The following GSTCD variants were observed in gnomAD, a reference collection of about 807,000 sequenced individuals.
GSTCD encodes glutathione S-transferase C-terminal domain containing, also known as glutathione S-transferase C-terminal domain-containing protein.
In GSTCD, 44 loss-of-function variants were observed where a neutral mutation model predicts 68.3. The observed-to-expected ratio is 0.64, with a 90% CI of 0.51 to 0.83. GSTCD has a LOEUF of 0.83. GSTCD is among the 40% of genes least tolerant of loss of function. The pLI is 0.00. For synonymous variants in GSTCD, 273 were observed against 255.2 expected, an observed-to-expected ratio of 1.07 and a Z score of -0.67; for missense variants, 739 against 735.9, an observed-to-expected ratio of 1.00 and a Z score of -0.05.
At chr4:105,709,614 C>T (rs1553955427) in intron 1 of GSTCD, among the ~76,000 whole-genome samples, 1 of 152,198 alleles carries the variant, frequency 6.6e-6, no homozygotes, top group Non-Finnish European at 1.5e-5. Context: ...AATACACGTA[C>T]TTCCCATCCC....
intron 5 of GSTCD, among the ~76,000 whole-genome samples, chr4:105,766,722 C>T (rs1305142236): frequency 1.3e-5 from 2 of 151,882 alleles, no homozygotes; most frequent in African/African-American, 2.4e-5. Context: ...TATCTGTTTC[C>T]TTCTAATGGA....
At chr4:105,817,861 G>T (rs1158789890) in intron 5 of GSTCD, among the ~76,000 whole-genome samples, 1 of 151,788 alleles carries the variant, frequency 6.6e-6, no homozygotes, top group Non-Finnish European at 1.5e-5. Flanking sequence ...TTTTATAGTT[G>T]ACTTCTTTTA....
intron 5 of GSTCD, among the ~76,000 whole-genome samples, chr4:105,764,802 G>T (rs1734544993): frequency 6.6e-6 from 1 of 152,138 alleles, no homozygotes; most frequent in Non-Finnish European, 1.5e-5. Flanking sequence ...ATCAGTGATT[G>T]TGGGTAATCT....
At chr4:105,784,622 T>C (rs1735396267) in intron 5 of GSTCD, among the ~76,000 whole-genome samples, 1 of 152,238 alleles carries the variant, frequency 6.6e-6, no homozygotes, top group Non-Finnish European at 1.5e-5. Flanking sequence ...GTTTGCAAAA[T>C]TGTGACTTTC....
chr4:105,716,869 T>A (rs1162116910), intron 1 of GSTCD, among the ~76,000 whole-genome samples: 1 of 152,146 alleles, frequency 6.6e-6, no homozygotes, highest in Non-Finnish European at 1.5e-5. Flanking sequence ...TTGTAGGCTG[T>A]TGCAGAAACT....
At chr4:105,837,601 T>A (rs974659433) in intron 9 of GSTCD, among the ~76,000 whole-genome samples, 5 of 152,176 alleles carry the variant, frequency 3.3e-5, no homozygotes, top group African/African-American at 1.2e-4. Context: ...AGTGTTCCCA[T>A]GAGGGATAGA....
At chr4:105,731,088 A>G (rs1359845542) in intron 5 of GSTCD, among the ~76,000 whole-genome samples, 4 of 152,076 alleles carry the variant, frequency 2.6e-5, no homozygotes, top group African/African-American at 9.7e-5. Flanking sequence ...CCATTGGTCT[A>G]TATCTCTGTT....
chr4:105,757,116 G>A (rs1017211966), intron 5 of GSTCD, among the ~76,000 whole-genome samples: 8 of 152,060 alleles, frequency 5.3e-5, no homozygotes, highest in Non-Finnish European at 8.8e-5. Context: ...ATTTCAGTTC[G>A]TACTATAATT....
intron 5 of GSTCD, among the ~76,000 whole-genome samples, chr4:105,784,584 T>G (rs1735395146): frequency 6.6e-6 from 1 of 152,232 alleles, no homozygotes; most frequent in Non-Finnish European, 1.5e-5. Flanking sequence ...GATTGTTGCC[T>G]GAATTAATTA....
In GSTCD at chr4:105,729,443, G is replaced by C. The variant is rs762612925; in HGVS notation, c.1184G>C (p.Cys395Ser). Residue 395 changes from cysteine (C) to serine (S), a missense_variant, in exon 5 of 12, where the codon TGC (cysteine) becomes TCC (serine). Physicochemically the swap from Cys to Ser is moderately radical, Grantham distance 112 (BLOSUM62 -1). Transcript: ENST00000515279. Reference protein sequence around the residue: ...GIEVMFSPHPCPTWTLDWNVL... With the variant: ...GIEVMFSPHPSPTWTLDWNVL... Reference sequence around the variant, plus strand: ...GAAGTGATGTTTTCTCCCCACCCTTGCCCTACTTGGACTCTTGATTGGAAT... The same window carrying C: ...GAAGTGATGTTTTCTCCCCACCCTTCCCCTACTTGGACTCTTGATTGGAAT... 3.3e-5 allele frequency: 53 copies of C among 1,611,728 alleles called. No homozygotes were observed. Among genetic ancestry groups the C allele is most frequent in the Non-Finnish European group, 4.5e-5 (53 of 1,178,622 alleles).
chr4:105,730,500 T>C (rs1273481380), intron 5 of GSTCD, among the ~76,000 whole-genome samples: 1 of 152,242 alleles, frequency 6.6e-6, no homozygotes, highest in Non-Finnish European at 1.5e-5. Flanking sequence ...CCAGTGATGA[T>C]GAACATTTTT....
At chr4:105,835,431 C>T (rs951964766) in intron 9 of GSTCD, among the ~76,000 whole-genome samples, 1 of 152,168 alleles carries the variant, frequency 6.6e-6, no homozygotes, top group African/African-American at 2.4e-5. Context: ...CATCTCCAGG[C>T]ACCAGCTTGG....
intron 8 of GSTCD, among the ~76,000 whole-genome samples, chr4:105,833,457 C>CGA (rs34671427): frequency 0.055 from 8,271 of 150,822 alleles, 252 homozygotes; most frequent in Middle Eastern, 0.14. Context: ...GAGCAAAACT[C>CGA]TGTCTCAAAA....
At chr4:105,836,220 G>A (rs1313012451) in intron 9 of GSTCD, among the ~76,000 whole-genome samples, 3 of 152,212 alleles carry the variant, frequency 2.0e-5, no homozygotes, top group Non-Finnish European at 4.4e-5. Flanking sequence ...GAGATACAGA[G>A]TGGGTAGCTT....
chr4:105,806,772 TACATATTTTATCAGTAA>T (rs1465831045), intron 5 of GSTCD, among the ~76,000 whole-genome samples: 4 of 152,208 alleles, frequency 2.6e-5, no homozygotes, highest in African/African-American at 9.6e-5. Context: ...GAAAGAGCTC[TACATATTTTATCAGTAA>T]ACACACCAAC....
chr4:105,770,567 C>G (rs1438693448), intron 5 of GSTCD, among the ~76,000 whole-genome samples: 2 of 152,156 alleles, frequency 1.3e-5, no homozygotes, highest in East Asian at 3.9e-4. Context: ...ATTCCCCTCC[C>G]TGTGTCCATG....
intron 5 of GSTCD, among the ~76,000 whole-genome samples, chr4:105,794,969 G>A (rs1254377895): frequency 2.0e-5 from 3 of 151,546 alleles, no homozygotes; most frequent in Non-Finnish European, 4.4e-5. Context: ...CCGCCTCCCG[G>A]GTTCAAGTGA....
At chr4:105,769,848 T>C (rs891563400) in intron 5 of GSTCD, among the ~76,000 whole-genome samples, 1 of 152,114 alleles carries the variant, frequency 6.6e-6, no homozygotes, top group Non-Finnish European at 1.5e-5. Context: ...CTCAATCTCC[T>C]GGGCTGAAGT....
At chr4:105,736,490 G>T (rs1022682672) in intron 5 of GSTCD, among the ~76,000 whole-genome samples, 1 of 151,966 alleles carries the variant, frequency 6.6e-6, no homozygotes, top group African/African-American at 2.4e-5. Context: ...CATAGTAATT[G>T]TGCATATTTT....
Sources: gnomAD v4.1 joint callset for allele counts (sites outside exome capture counted in the v4.1 genomes callset) on GRCh38, gnomAD v4.1.1 for gene constraint, MANE v1.5 for transcripts, NCBI Gene and HGNC (gene_info 2026-07-23, HGNC 2026-07-21) for gene names.